The following ZSWIM6 variants were observed in gnomAD, a reference collection of about 807,000 sequenced individuals.
ZSWIM6 encodes the protein zinc finger SWIM-type containing 6.
Under a neutral mutation model 113.2 loss-of-function variants are expected in ZSWIM6, and 9 were observed. The ratio of observed to expected loss-of-function variants is 0.08; its 90% CI spans 0.05 to 0.14. The LOEUF is 0.14. Among genes scored for constraint, ZSWIM6 ranks in the 10% least tolerant of loss-of-function variants. The pLI is 1.00. For synonymous variants in ZSWIM6, 611 were observed against 606.5 expected (o/e 1.01, Z -0.11); for missense variants, 1,162 against 1,552.2 (o/e 0.75, Z 4.22).
chr5:61,332,293 G>A lies in ZSWIM6; in HGVS notation c.21G>A (p.Gln7=), dbSNP rs1744263792. MAERGQ[Q]PPPAKRLCCR... is the part of the protein sequence containing the mutation. ...CGGTCATGGCGGAGCGCGGACAGCA[G>A]CCTCCTCCCGCGAAACGGCTTTGCT... Residue 7 remains glutamine, a synonymous_variant, in exon 1 of 14, where the codon CAG becomes CAA. Coordinates refer to ENST00000252744, the MANE Select transcript of ZSWIM6 (RefSeq NM_020928.2). 2 of 1,167,354 alleles carry A rather than the reference G, an allele frequency of 1.7e-6. No individual in the cohort carries two copies. The highest frequency in any genetic ancestry group is 3.2e-5 in the African/African-American group (2 of 61,962). 72.3% of individuals were successfully genotyped at this position (1,167,354 alleles called of 1,614,324 possible).
intron 1 of ZSWIM6, chr5:61,390,949 A>G: frequency 2.6e-6 from 2 of 773,132 alleles, no homozygotes; most frequent in Admixed American, 3.4e-5. Context: ...CTTGTCAGAC[A>G]GGTCATAGTC....
At chr5:61,437,100 C>T (rs1746724559) in intron 1 of ZSWIM6, among the ~76,000 whole-genome samples, 1 of 152,016 alleles carries the variant, frequency 6.6e-6, no homozygotes, top group South Asian at 2.1e-4. Flanking sequence ...AAGGGTTCTG[C>T]AACATAAGGG....
Position 61,332,464 on chromosome 5 carries a change from G to T in ZSWIM6, c.192G>T (p.Gly64=). ...AAACGGGAAL[G]LLPPGKTQSP... ...CGTGCGGGGGCGGCGCGGCGCTGGGGTTGCTGCCGCCGGGCAAGACCCAGA... is the reference window on the plus strand; with the variant it reads ...CGTGCGGGGGCGGCGCGGCGCTGGGTTTGCTGCCGCCGGGCAAGACCCAGA... The change falls in exon 1 of 14, where the codon GGG becomes GGT. Residue 64 remains glycine (G), a synonymous_variant. Transcript: ENST00000252744. The T allele has an allele frequency of 9.0e-7, 1 of 1,116,886 alleles. No homozygotes were observed. Among genetic ancestry groups the T allele is most frequent in the Middle Eastern group, 3.9e-4 (1 of 2,566 alleles). 69.2% of individuals were successfully genotyped at this position (1,116,886 alleles called of 1,614,324 possible). A position where few individuals can be genotyped will look rare whatever the true frequency, so the allele number is the denominator to read the frequency against.
At chr5:61,339,091 C>T (rs911691460) in intron 1 of ZSWIM6, among the ~76,000 whole-genome samples, 1 of 152,164 alleles carries the variant, frequency 6.6e-6, no homozygotes, top group African/African-American at 2.4e-5. Context: ...TTTCTGCTTA[C>T]ACTCATATTC....
chr5:61,501,059 A>G (rs1438116568), intron 4 of ZSWIM6, among the ~76,000 whole-genome samples: 2 of 152,130 alleles, frequency 1.3e-5, no homozygotes, highest in African/African-American at 4.8e-5. Context: ...GGATTGGTCA[A>G]TTGTATTGCT....
intron 1 of ZSWIM6, among the ~76,000 whole-genome samples, chr5:61,447,967 T>A (rs1747001410): frequency 6.6e-6 from 1 of 152,176 alleles, no homozygotes; most frequent in South Asian, 2.1e-4. Context: ...AGGAAGCAGG[T>A]GGTCAGTTAG....
intron 1 of ZSWIM6, among the ~76,000 whole-genome samples, chr5:61,359,376 T>C (rs1199787204): frequency 1.3e-5 from 2 of 152,134 alleles, no homozygotes; most frequent in Non-Finnish European, 2.9e-5. Flanking sequence ...GTAGTTTTTA[T>C]GCGGTGAATG....
At chr5:61,367,703 G>A (rs1428875511) in intron 1 of ZSWIM6, among the ~76,000 whole-genome samples, 1 of 152,146 alleles carries the variant, frequency 6.6e-6, no homozygotes, top group African/African-American at 2.4e-5. Context: ...AAGAGAACAG[G>A]TAGATCACAG....
chr5:61,506,376 A>T (rs1035800675), intron 4 of ZSWIM6, among the ~76,000 whole-genome samples: 1 of 151,916 alleles, frequency 6.6e-6, no homozygotes, highest in Non-Finnish European at 1.5e-5. Context: ...TGAGGTTGGG[A>T]GTTTGAGACC....
At chr5:61,507,501 T>C (rs1748657185) in intron 4 of ZSWIM6, among the ~76,000 whole-genome samples, 1 of 152,184 alleles carries the variant, frequency 6.6e-6, no homozygotes, top group African/African-American at 2.4e-5. Flanking sequence ...ACAGAGCCAA[T>C]CTCAAGGTTT....
At chr5:61,456,900 TTTC>T (rs1201660854) in intron 1 of ZSWIM6, among the ~76,000 whole-genome samples, 2 of 127,714 alleles carry the variant, frequency 1.6e-5, no homozygotes, top group African/African-American at 6.0e-5. Context: ...CTTTTTTTTT[TTTC>T]TTTTTTTTAT....
At chr5:61,375,659 T>A (rs1745358719) in intron 1 of ZSWIM6, 1 of 1,544,998 alleles carries the variant, frequency 6.5e-7, no homozygotes, top group Non-Finnish European at 8.7e-7. Context: ...AAGAGAAAGA[T>A]GTATTCTGAA....
chr5:61,360,508 T>A (rs922001652), intron 1 of ZSWIM6, among the ~76,000 whole-genome samples: 18 of 152,346 alleles, frequency 1.2e-4, no homozygotes, highest in African/African-American at 3.6e-4. Flanking sequence ...AGAGTTGGGA[T>A]GTGAATCCAG....
chr5:61,495,424 T>C (rs898269118), intron 4 of ZSWIM6, among the ~76,000 whole-genome samples: 1 of 152,180 alleles, frequency 6.6e-6, no homozygotes, highest in African/African-American at 2.4e-5. Flanking sequence ...ATATCAGTAT[T>C]TTCTTTTTCC....
chr5:61,530,299 G>GTGT, intron 8 of ZSWIM6, 101 bp downstream of exon 8: 1 of 1,221,538 alleles, frequency 8.2e-7, no homozygotes, highest in Non-Finnish European at 1.1e-6. Flanking sequence ...GAACCATGTA[G>GTGT]TTAACAGCAC....
intron 2 of ZSWIM6, among the ~76,000 whole-genome samples, chr5:61,475,236 C>T (rs1221051117): frequency 6.6e-6 from 1 of 152,120 alleles, no homozygotes; most frequent in Non-Finnish European, 1.5e-5. Context: ...ATGTAATCTG[C>T]TAGCATCACT....
At chr5:61,395,631 G>T (rs1469013830) in intron 1 of ZSWIM6, among the ~76,000 whole-genome samples, 4 of 152,022 alleles carry the variant, frequency 2.6e-5, no homozygotes, top group Non-Finnish European at 4.4e-5. Flanking sequence ...AAAACACTTG[G>T]TTAAAAATTT....
chr5:61,381,295 G>C (rs1745468618), intron 1 of ZSWIM6, among the ~76,000 whole-genome samples: 1 of 152,176 alleles, frequency 6.6e-6, no homozygotes, highest in African/African-American at 2.4e-5. Context: ...TTAGCCAGGT[G>C]TGGTGGTGAG....
chr5:61,431,960 T>G (rs1746593351), intron 1 of ZSWIM6, among the ~76,000 whole-genome samples: 1 of 152,302 alleles, frequency 6.6e-6, no homozygotes, highest in South Asian at 2.1e-4. Context: ...AAAACTGTAG[T>G]GGGTTTTTCT....
Sources: gnomAD v4.1 joint callset for allele counts (sites outside exome capture counted in the v4.1 genomes callset) on GRCh38, gnomAD v4.1.1 for gene constraint, MANE v1.5 for transcripts, NCBI Gene and HGNC (gene_info 2026-07-23, HGNC 2026-07-21) for gene names.